OR3A2: variants seen among roughly 807,000 people sequenced by gnomAD.
OR3A2 encodes the protein olfactory receptor family 3 subfamily A member 2, also known as olfactory receptor 3A2.
For synonymous variants in OR3A2, 126 were observed against 159.3 expected (o/e 0.79, Z 1.57); for missense variants, 318 against 392.8 (o/e 0.81, Z 1.61).
intron 3 of OR3A2, among the ~76,000 whole-genome samples, chr17:3,307,825 G>A (rs528462843): frequency 6.6e-6 from 1 of 152,244 alleles, no homozygotes; most frequent in Admixed American, 6.5e-5. Flanking sequence ...CCTGACCTAG[G>A]CTCTGGCCTC....
chr17:3,299,537 G>C (rs1181655169), intron 3 of OR3A2, among the ~76,000 whole-genome samples: 1 of 152,190 alleles, frequency 6.6e-6, no homozygotes, highest in African/African-American at 2.4e-5. Flanking sequence ...TAGAAGTTGA[G>C]ACTCTTGGTG....
At chr17:3,371,776 C>T (rs2049626479) in intron 2 of OR3A2, among the ~76,000 whole-genome samples, 2 of 135,810 alleles carry the variant, frequency 1.5e-5, no homozygotes, top group Non-Finnish European at 3.2e-5. Flanking sequence ...GGCGGCCGGG[C>T]AGAGGCGCCC....
intron 2 of OR3A2, among the ~76,000 whole-genome samples, chr17:3,371,519 G>A (rs535861697): frequency 6.9e-6 from 1 of 143,992 alleles, no homozygotes; most frequent in African/African-American, 2.6e-5. Flanking sequence ...CGGGCGGGGG[G>A]CTGACCCCAC....
At chr17:3,386,246 C>T in exon 1 of OR3A2, 1 of 398,760 alleles carries the variant, frequency 2.5e-6, no homozygotes, top group Admixed American at 4.4e-5. Flanking sequence ...TTCTTCGTGG[C>T]TCTGGGCATC....
At chr17:3,297,071 C>T (rs1173310890) in intron 3 of OR3A2, among the ~76,000 whole-genome samples, 1 of 152,168 alleles carries the variant, frequency 6.6e-6, no homozygotes, top group South Asian at 2.1e-4. Context: ...GCAATTAAGG[C>T]AGAGCAGCAG....
At chr17:3,372,407 C>A (rs962202332) in intron 2 of OR3A2, among the ~76,000 whole-genome samples, 2 of 152,028 alleles carry the variant, frequency 1.3e-5, no homozygotes, top group Non-Finnish European at 2.9e-5. Context: ...ACGCTCCTCA[C>A]TTCCCAGACG....
At chr17:3,367,621 A>ATATATATG (rs1489329132) in intron 2 of OR3A2, among the ~76,000 whole-genome samples, 1 of 146,948 alleles carries the variant, frequency 6.8e-6, no homozygotes, top group East Asian at 2.0e-4. Flanking sequence ...ATATATATAT[A>ATATATATG]TGCCATTTTC....
At chr17:3,292,529 C>T (rs757809167) in intron 3 of OR3A2, 1 of 1,613,982 alleles carries the variant, frequency 6.2e-7, no homozygotes, top group African/African-American at 1.3e-5. Context: ...CCAGCAAGCC[C>T]AGCAGGATGA....
chr17:3,360,820 A>G lies in OR3A2; in HGVS notation c.-179+22984T>C, dbSNP rs1284269458. On this transcript the variant is annotated intron_variant, in intron 2 of 4. Transcript: ENST00000573491. Reference sequence around the variant, plus strand: ...GTACCATGCTGTTTTGGTTACTGTAACCTTGTAGTATAGTTTGAAGTCAGA... The same window carrying G: ...GTACCATGCTGTTTTGGTTACTGTAGCCTTGTAGTATAGTTTGAAGTCAGA... Among the ~76,000 whole-genome samples the G allele has an allele frequency of 5.9e-5, 9 of 151,524 alleles. No individual in the cohort carries two copies. In the East Asian group the frequency reaches 9.7e-4, roughly 16 times the overall value.
At chr17:3,356,950 T>A (rs2049469891) in intron 2 of OR3A2, among the ~76,000 whole-genome samples, 2 of 151,670 alleles carry the variant, frequency 1.3e-5, no homozygotes, top group Non-Finnish European at 2.9e-5. Context: ...TGATTTCAAG[T>A]GTAATTTTAA....
chr17:3,287,118 A>C (rs2048820166), upstream of OR3A2, among the ~76,000 whole-genome samples: 1 of 152,128 alleles, frequency 6.6e-6, no homozygotes, highest in Admixed American at 6.5e-5. Flanking sequence ...TCCAACCTAA[A>C]CCCTGGAATC....
At chr17:3,277,666 G>A (rs142970738) in exon 2 of OR3A2, 5 of 283,458 alleles carry the variant, frequency 1.8e-5, no homozygotes, top group Non-Finnish European at 2.6e-5. Context: ...TCATCATGTG[G>A]TATATATGAT....
At chr17:3,290,057 T>A (rs1051183217) in intron 3 of OR3A2, among the ~76,000 whole-genome samples, 2 of 152,050 alleles carry the variant, frequency 1.3e-5, no homozygotes, top group African/African-American at 4.8e-5. Flanking sequence ...CTTCCTGACA[T>A]CCTAGGAGCA....
chr17:3,290,929 G>T (rs1290049327), intron 3 of OR3A2: 1 of 151,936 alleles, frequency 6.6e-6, no homozygotes, highest in African/African-American at 2.4e-5. Context: ...GAAACACATG[G>T]GAGAAAAAGA....
At chr17:3,330,430 C>G (rs2049220617) in intron 3 of OR3A2, among the ~76,000 whole-genome samples, 1 of 151,744 alleles carries the variant, frequency 6.6e-6, no homozygotes, top group South Asian at 2.1e-4. Context: ...GGATAGTTAG[C>G]TCTTCTTGTT....
chr17:3,373,841 T>C (rs1176465875), intron 2 of OR3A2, among the ~76,000 whole-genome samples: 1 of 152,196 alleles, frequency 6.6e-6, no homozygotes. Flanking sequence ...TCATGCTCAT[T>C]GTTCCCTGAA....
At chr17:3,356,474 A>T (rs1225112615) in intron 2 of OR3A2, among the ~76,000 whole-genome samples, 1 of 151,496 alleles carries the variant, frequency 6.6e-6, no homozygotes, top group Non-Finnish European at 1.5e-5. Context: ...ATTTTCCTTC[A>T]TGCTTGAAGG....
At chr17:3,281,391 GC>G (rs2048775986) in intron 1 of OR3A2, among the ~76,000 whole-genome samples, 1 of 151,838 alleles carries the variant, frequency 6.6e-6, no homozygotes, top group Non-Finnish European at 1.5e-5. Flanking sequence ...GCACCACCAC[GC>G]CCAGCTAATT....
chr17:3,300,028 G>C (rs1481505408), intron 3 of OR3A2, among the ~76,000 whole-genome samples: 2 of 151,746 alleles, frequency 1.3e-5, no homozygotes, highest in Admixed American at 6.6e-5. Context: ...TGAGGCTCGG[G>C]GAAGTTTAGT....
Sources: gnomAD v4.1 joint callset for allele counts (sites outside exome capture counted in the v4.1 genomes callset) on GRCh38, gnomAD v4.1.1 for gene constraint, MANE v1.5 for transcripts, NCBI Gene and HGNC (gene_info 2026-07-23, HGNC 2026-07-21) for gene names.